Variants in NF1 observed in about 807,000 individuals in gnomAD.
The protein encoded by NF1 is neurofibromin.
Under a neutral mutation model 325.7 loss-of-function variants are expected in NF1, and 122 were observed. The observed-to-expected ratio is 0.37, with a 90% CI of 0.32 to 0.44. The LOEUF is 0.44. NF1 is among the 20% of genes least tolerant of loss of function. The pLI is 1.00. For synonymous variants in NF1, 1,091 were observed against 1,186.0 expected, an observed-to-expected ratio of 0.92 and a Z score of 1.65; for missense variants, 2,140 against 3,415.4, an observed-to-expected ratio of 0.63 and a Z score of 9.31.
At chr17:31,118,105 T>C (rs59473280) in intron 1 of NF1, among the ~76,000 whole-genome samples, 2,211 of 152,280 alleles carry the variant, frequency 0.015, 62 homozygotes, top group African/African-American at 0.05. Context: ...TCTTTTAATT[T>C]AGTGTTTTAT....
At position 31,337,523 on chromosome 17, in the gene NF1, G is replaced by C. The variant is rs1597843959; in HGVS notation, c.6583G>C (p.Glu2195Gln). 1.2e-6 allele frequency: 2 copies of C among 1,614,160 alleles called. No individual in the cohort carries two copies. The highest frequency in any genetic ancestry group is 8.5e-7 in the Non-Finnish European group (1 of 1,179,996). The change falls in exon 43 of 58, where the codon GAG becomes CAG. Residue 2195 changes from glutamate (E) to glutamine (Q), a missense_variant. Physicochemically the swap from Glu to Gln is conservative, Grantham distance 29. This residue lies in a region of NF1 where 180 missense variants were observed against 435.1 expected (regional missense o/e 0.41). Transcript: ENST00000358273. ...RSFSPGSYER[E>Q]TFALTSLETV... ...ATTCTCTCCTGGCTCCTATGAGAGA[G>C]AGACTTTTGCTTTGACATCCTTGGA...
At chr17:31,333,600 A>G (rs2069562210) in intron 39 of NF1, among the ~76,000 whole-genome samples, 2 of 152,226 alleles carry the variant, frequency 1.3e-5, no homozygotes, top group South Asian at 4.1e-4. Context: ...TGAACAGGCC[A>G]AAAGTCAAAG....
intron 36 of NF1, among the ~76,000 whole-genome samples, chr17:31,308,632 G>T (rs971923385): frequency 1.2e-3 from 130 of 108,686 alleles, no homozygotes; most frequent in Middle Eastern, 5.4e-3. Context: ...TCTCAAGGGT[G>T]TTCTTTTTTT....
chr17:31,293,208 A>AAAAG (rs1341286571), intron 36 of NF1, among the ~76,000 whole-genome samples: 5 of 138,532 alleles, frequency 3.6e-5, no homozygotes, highest in Admixed American at 7.3e-5. Flanking sequence ...AAAAAAAAAA[A>AAAAG]AAAGAAACCT....
intron 29 of NF1, 117 bp from the exon 30 acceptor site, chr17:31,248,867 A>G: frequency 1.1e-6 from 1 of 929,104 alleles, no homozygotes. Flanking sequence ...TAAAGATTCC[A>G]ATGAAGTCTA....
At chr17:31,365,278 C>CAAAAAAAAAAAAAAAAAAA (rs67659795) in intron 57 of NF1, among the ~76,000 whole-genome samples, 5 of 101,066 alleles carry the variant, frequency 4.9e-5, no homozygotes, top group African/African-American at 2.2e-4. Context: ...GAACCTATCT[C>CAAAAAAAAAAAAAAAAAAA]AAAAAAAAAA....
At chr17:31,311,008 G>A (rs946250012) in intron 36 of NF1, among the ~76,000 whole-genome samples, 4 of 149,200 alleles carry the variant, frequency 2.7e-5, no homozygotes, top group African/African-American at 7.5e-5. Flanking sequence ...GTGCAGTGGT[G>A]CAATCTCAGC....
intron 16 of NF1, among the ~76,000 whole-genome samples, chr17:31,224,539 A>G (rs2066979884): frequency 6.6e-6 from 1 of 152,168 alleles, no homozygotes; most frequent in African/African-American, 2.4e-5. Flanking sequence ...ATACAGAAAG[A>G]GATTAGACTT....
chr17:31,258,986 A>C (rs1417701968), intron 32 of NF1, 46 bp from the exon 33 acceptor site: 8 of 1,291,946 alleles, frequency 6.2e-6, no homozygotes, highest in Non-Finnish European at 8.8e-6. Context: ...TATAGACTTC[A>C]TACAATAAAT....
chr17:31,307,737 G>T, intron 36 of NF1: 2 of 441,322 alleles, frequency 4.5e-6, no homozygotes, highest in Non-Finnish European at 7.8e-6. Flanking sequence ...GCAACTATTT[G>T]GTTATCTCTT....
At chr17:31,173,419 A>G (rs2065965147) in intron 5 of NF1, among the ~76,000 whole-genome samples, 1 of 151,824 alleles carries the variant, frequency 6.6e-6, no homozygotes, top group Non-Finnish European at 1.5e-5. Flanking sequence ...CTAAATAAAT[A>G]AATAAAATAA....
chr17:31,215,155 C>T (rs930912401), intron 13 of NF1, among the ~76,000 whole-genome samples: 16 of 152,068 alleles, frequency 1.1e-4, no homozygotes, highest in African/African-American at 3.9e-4. Flanking sequence ...TCTTGCTCTG[C>T]TTCCCAAGCT....
chr17:31,335,938 C>A (rs541941436), intron 40 of NF1, among the ~76,000 whole-genome samples: 1 of 151,690 alleles, frequency 6.6e-6, no homozygotes, highest in South Asian at 2.1e-4. Context: ...GCAATCCGCC[C>A]GCCTCAGCCT....
At chr17:31,271,260 A>C (rs76659933) in intron 36 of NF1, among the ~76,000 whole-genome samples, 2 of 152,206 alleles carry the variant, frequency 1.3e-5, no homozygotes, top group Non-Finnish European at 2.9e-5. Flanking sequence ...ATAAGACAAG[A>C]GTGTACTCAA....
At chr17:31,143,119 T>G (rs946180280) in intron 1 of NF1, among the ~76,000 whole-genome samples, 16 of 152,216 alleles carry the variant, frequency 1.1e-4, no homozygotes, top group African/African-American at 3.9e-4. Context: ...TAAGCAAATA[T>G]CAGTGTTTTT....
intron 36 of NF1, among the ~76,000 whole-genome samples, chr17:31,306,486 CA>C (rs1250933081): frequency 5.3e-5 from 8 of 152,116 alleles, no homozygotes; most frequent in Admixed American, 4.6e-4. Flanking sequence ...TTTACCCTCA[CA>C]ACTGACAACT....
chr17:31,174,688 C>A (rs1396619842), intron 5 of NF1, among the ~76,000 whole-genome samples: 1 of 152,104 alleles, frequency 6.6e-6, no homozygotes. Context: ...GATCTGTAAC[C>A]TTAGACACAC....
At position 31,313,720 on chromosome 17, in the gene NF1, ATATG is replaced by A. The variant is rs1443376218; in HGVS notation, c.4836-12098_4836-12095del. On this transcript the variant is annotated intron_variant, in intron 36 of 57. Transcript: ENST00000358273. Reference sequence around the variant, plus strand: ...GACTCTATCTCAAAAAAAAAAAAAAATATGTGTGTGTGTGTGTGTGTGTGTGTGT... The same window carrying A: ...GACTCTATCTCAAAAAAAAAAAAAAATGTGTGTGTGTGTGTGTGTGTGTGT... Among the ~76,000 whole-genome samples, 25 of 101,186 alleles carry A rather than the reference ATATG, an allele frequency of 2.5e-4. 1 individual carries two copies. The highest frequency in any genetic ancestry group is 9.0e-4 in the African/African-American group (24 of 26,656). The allele number at this position is 101,186 out of a possible 152,430, so 66.4% of individuals were successfully genotyped here.
intron 11 of NF1, among the ~76,000 whole-genome samples, chr17:31,205,418 C>T (rs2066602296): frequency 6.6e-6 from 1 of 151,864 alleles, no homozygotes. Flanking sequence ...AAAATTCATC[C>T]AGTCAGTTTT....
Sources: allele counts gnomAD v4.1 joint callset (sites outside exome capture counted in the v4.1 genomes callset), GRCh38; gene constraint gnomAD v4.1.1; regional missense constraint gnomAD v4.1.1; transcripts MANE v1.5; gene names NCBI Gene and HGNC (gene_info 2026-07-23, HGNC 2026-07-21).